The following STARD13 variants were observed in gnomAD, a reference collection of about 807,000 sequenced individuals.
STARD13 encodes the protein StAR related lipid transfer domain containing 13, also known as stAR-related lipid transfer protein 13.
Under a neutral mutation model 106.4 loss-of-function variants are expected in STARD13, and 62 were observed. The observed-to-expected ratio is 0.58, with a 90% CI of 0.48 to 0.72. The LOEUF (loss-of-function observed/expected upper bound fraction) is 0.72. STARD13 is among the 30% of genes least tolerant of loss of function. The pLI is 0.00. For synonymous variants in STARD13, 565 were observed against 553.0 expected, an observed-to-expected ratio of 1.02 and a Z score of -0.31; for missense variants, 1,387 against 1,424.0, an observed-to-expected ratio of 0.97 and a Z score of 0.42.
rs1566531242 is a variant in STARD13, at chr13:33,111,831, C to T, written c.2554G>A (p.Ala852Thr). The part of the protein sequence containing the change: ...PDQKDLNENL[A>T]AAQGLAHMIM... ...ATGTGCGCTAGCCCCTGAGCTGCTG[C>T]CAGATTCTCGTTGAGGTCCTTTTGA... Residue 852 changes from alanine (A) to threonine (T), a missense_variant, in exon 10 of 14, where the codon GCA (alanine) becomes ACA (threonine). By Grantham distance (58) the Ala-to-Thr change is moderately conservative (BLOSUM62 0). Transcript: ENST00000336934. The T allele has an allele frequency of 6.2e-7, 1 of 1,614,174 alleles. No individual in the cohort carries two copies. Among genetic ancestry groups the T allele is most frequent in the Non-Finnish European group, 8.5e-7 (1 of 1,180,016 alleles).
At chr13:33,595,974 G>A in the STARD13 span, among the ~76,000 whole-genome samples, 1 of 152,076 alleles carries the variant, frequency 6.6e-6, no homozygotes, top group East Asian at 1.9e-4. Flanking sequence ...AATTGTATTG[G>A]ATCTTGAGTA....
At chr13:33,419,274 G>C in the STARD13 span, among the ~76,000 whole-genome samples, 1 of 152,154 alleles carries the variant, frequency 6.6e-6, no homozygotes, top group Non-Finnish European at 1.5e-5. Context: ...GACCTTAAAT[G>C]ACCTGATGGA....
chr13:33,205,675 G>A (rs552361505), intron 1 of STARD13: 1 of 183,700 alleles, frequency 5.4e-6, no homozygotes, highest in East Asian at 1.9e-4. Flanking sequence ...TTTAAATCAA[G>A]TTCTTGTTAA....
the STARD13 span, among the ~76,000 whole-genome samples, chr13:33,463,603 A>G: frequency 2.0e-5 from 3 of 152,306 alleles, no homozygotes; most frequent in East Asian, 5.8e-4. Flanking sequence ...ATGTTAGAGA[A>G]AGCAGAGACC....
At chr13:33,559,291 T>C in the STARD13 span, among the ~76,000 whole-genome samples, 1 of 151,692 alleles carries the variant, frequency 6.6e-6, no homozygotes, top group Non-Finnish European at 1.5e-5. Context: ...TCACCTATTT[T>C]ATTCAACTAA....
the STARD13 span, among the ~76,000 whole-genome samples, chr13:33,650,033 A>G: frequency 6.6e-6 from 1 of 152,020 alleles, no homozygotes; most frequent in African/African-American, 2.4e-5. Flanking sequence ...TGAGTGCCAA[A>G]TCCAGACACT....
At chr13:33,190,012 C>CTATAA (rs1886125318) in intron 1 of STARD13, among the ~76,000 whole-genome samples, 1 of 151,986 alleles carries the variant, frequency 6.6e-6, no homozygotes, top group South Asian at 2.1e-4. Context: ...AAACAACTTT[C>CTATAA]TCATTATACT....
At chr13:33,192,026 A>C (rs8002617) in intron 1 of STARD13, among the ~76,000 whole-genome samples, 22,009 of 152,262 alleles carry the variant, frequency 0.14, 1,738 homozygotes, top group African/African-American at 0.21. Flanking sequence ...GTATTCTCTG[A>C]AATCAGGTTA....
At chr13:33,328,980 C>T (rs2077806374) in intron 1 of STARD13, among the ~76,000 whole-genome samples, 1 of 152,248 alleles carries the variant, frequency 6.6e-6, no homozygotes, top group Non-Finnish European at 1.5e-5. Context: ...CAGAGAGCAA[C>T]TTCATGTGAA....
rs146213260 is a variant in STARD13, at chr13:33,251,650, A to C, written c.169+33820T>G. Among the ~76,000 whole-genome samples, 526 of 152,332 alleles carry C rather than the reference A, an allele frequency of 3.5e-3. 5 individuals are homozygous for C. Among genetic ancestry groups the C allele is most frequent in the South Asian group, 0.022 (106 of 4,822 alleles). ...GGATGCACATGTTTGCATTTCCAAA[A>C]GCTTCTCTTTTCATCAAAAGAAAAT... On this transcript the variant is annotated intron_variant, in intron 1 of 13. Coordinates refer to ENST00000336934, the MANE Select transcript of STARD13 (RefSeq NM_178006.4).
the STARD13 span, among the ~76,000 whole-genome samples, chr13:33,372,854 A>G: frequency 1.3e-5 from 2 of 151,902 alleles, no homozygotes; most frequent in East Asian, 3.9e-4. Context: ...ATAACTTACT[A>G]TCCTTTTGTT....
downstream of STARD13, among the ~76,000 whole-genome samples, chr13:33,344,133 T>C (rs1276953560): frequency 2.0e-5 from 3 of 152,184 alleles, no homozygotes; most frequent in African/African-American, 7.2e-5. Flanking sequence ...TTTAAAAATA[T>C]GGATACCAAG....
At chr13:33,107,309 C>A (rs1177667429) in intron 12 of STARD13, among the ~76,000 whole-genome samples, 1 of 152,106 alleles carries the variant, frequency 6.6e-6, no homozygotes, top group African/African-American at 2.4e-5. Flanking sequence ...ATAGACATGC[C>A]AGTCTCTGAG....
the STARD13 span, among the ~76,000 whole-genome samples, chr13:33,546,330 AGTT>A: frequency 5.3e-5 from 8 of 152,164 alleles, no homozygotes; most frequent in Admixed American, 1.3e-4. Flanking sequence ...AAGGGGTCTT[AGTT>A]GTTAGAGCTT....
At chr13:33,540,433 A>G in the STARD13 span, among the ~76,000 whole-genome samples, 8 of 152,348 alleles carry the variant, frequency 5.3e-5, no homozygotes, top group East Asian at 1.9e-4. Context: ...GTGATAGTTG[A>G]TAACTGTGAT....
chr13:33,289,650 A>G (rs183305749), upstream of STARD13, among the ~76,000 whole-genome samples: 4 of 152,256 alleles, frequency 2.6e-5, no homozygotes, highest in Admixed American at 2.6e-4. Flanking sequence ...GAGCCTGAAA[A>G]TCATCCTAAT....
the STARD13 span, among the ~76,000 whole-genome samples, chr13:33,612,106 G>T: frequency 2.0e-5 from 3 of 152,130 alleles, no homozygotes; most frequent in Admixed American, 1.3e-4. Flanking sequence ...GTTGTGTTAG[G>T]TTCTAAGGGG....
intron 3 of STARD13, among the ~76,000 whole-genome samples, chr13:33,146,814 A>C (rs1385926014): frequency 6.6e-6 from 1 of 152,248 alleles, no homozygotes; most frequent in African/African-American, 2.4e-5. Flanking sequence ...ATGTAAGGAC[A>C]GTGAGCTTTG....
At chr13:33,124,026 G>A (rs1213914577) in intron 7 of STARD13, among the ~76,000 whole-genome samples, 2 of 152,172 alleles carry the variant, frequency 1.3e-5, no homozygotes, top group African/African-American at 2.4e-5. Flanking sequence ...TGCTGTTGGC[G>A]AAGAAAGAAC....
Sources: allele counts gnomAD v4.1 joint callset (sites outside exome capture counted in the v4.1 genomes callset), GRCh38; gene constraint gnomAD v4.1.1; transcripts MANE v1.5; gene names NCBI Gene and HGNC (gene_info 2026-07-23, HGNC 2026-07-21).